The following CREB3L1 variants were observed in gnomAD, a reference collection of about 807,000 sequenced individuals.
CREB3L1 encodes the protein cAMP responsive element binding protein 3 like 1.
A neutral mutation model predicts 54.5 loss-of-function variants in CREB3L1; 33 were observed. That is an observed-to-expected ratio of 0.61 (90% CI 0.46 to 0.81). CREB3L1 has a LOEUF of 0.81. CREB3L1 is among the 30% of genes least tolerant of loss of function. The pLI, the probability that CREB3L1 is intolerant of heterozygous loss-of-function variation, is 0.00. For synonymous variants in CREB3L1, 284 were observed against 286.4 expected (o/e 0.99, Z 0.08); for missense variants, 656 against 673.3 (o/e 0.97, Z 0.29).
rs190808021 is a variant in CREB3L1, at chr11:46,296,827, C to T, written c.103-3108C>T. Among the ~76,000 whole-genome samples, 12 of 152,292 alleles carry T rather than the reference C, an allele frequency of 7.9e-5. No individual in the cohort carries two copies. In the East Asian group the frequency reaches 1.9e-3, roughly 25 times the overall value. ...GCTCCATCCTGCTGGGTTTTGGCTG[C>T]TGTTTCTAGCAGGTGGGGTGGGGAC... On this transcript the variant is annotated intron_variant, in intron 1 of 11. Coordinates refer to ENST00000621158, the MANE Select transcript of CREB3L1 (RefSeq NM_052854.4).
Position 46,312,389 on chromosome 11 carries a change from A to G in CREB3L1, c.818A>G (p.Glu273Gly). The change falls in exon 6 of 12, where the codon GAG becomes GGG. Residue 273 changes from glutamate (E) to glycine (G), a missense_variant. Physicochemically the swap from Glu to Gly is moderately conservative, Grantham distance 98 (BLOSUM62 -2). Coordinates refer to ENST00000621158, the MANE Select transcript of CREB3L1 (RefSeq NM_052854.4). ...GAGGAGAAGCGGACCCTGATTGCTG[A>G]GGGCTACCCCATCCCCACAAAACTC... The part of the protein sequence containing the change: ...TEEEKRTLIA[E>G]GYPIPTKLPL... The G allele has an allele frequency of 1.2e-6, 2 of 1,613,686 alleles. No homozygotes were observed. The highest frequency in any genetic ancestry group is 1.7e-6 in the Non-Finnish European group (2 of 1,179,762).
Position 46,317,431 on chromosome 11 carries a change from C to T in CREB3L1, c.1202C>T (p.Ser401Phe). The stretch of plus-strand genomic sequence containing the variant: ...TGCCTTCCCGAGTTCTCCTCCGGCT[C>T]CCAGACTGTGAAGGAAGACCCCCTG... ...VPCLPEFSSG[S>F]QTVKEDPLAA... is the part of the protein sequence containing the mutation. Residue 401 changes from serine to phenylalanine, a missense_variant, in exon 10 of 12, where the codon TCC becomes TTC. Transcript: ENST00000621158. 2 of 1,613,650 alleles carry T rather than the reference C, an allele frequency of 1.2e-6. No homozygotes were observed. The highest frequency in any genetic ancestry group is 4.5e-5 in the East Asian group (2 of 44,864).
chr11:46,304,051 A>G (rs1204573545), intron 2 of CREB3L1, among the ~76,000 whole-genome samples: 1 of 152,200 alleles, frequency 6.6e-6, no homozygotes, highest in African/African-American at 2.4e-5. Context: ...GCTTGTAACA[A>G]TGAACAGTGT....
chr11:46,301,766 C>T (rs529286181), intron 2 of CREB3L1, among the ~76,000 whole-genome samples: 20 of 152,088 alleles, frequency 1.3e-4, no homozygotes, highest in African/African-American at 4.3e-4. Context: ...CAAGACCAGC[C>T]TGGTCAACAT....
intron 10 of CREB3L1, among the ~76,000 whole-genome samples, chr11:46,319,331 G>A (rs1939613186): frequency 1.3e-5 from 2 of 152,208 alleles, no homozygotes; most frequent in Admixed American, 1.3e-4. Flanking sequence ...GCAGACCTGG[G>A]TTCGCATCCT....
At chr11:46,301,291 G>A (rs748230623) in intron 2 of CREB3L1, among the ~76,000 whole-genome samples, 1 of 152,076 alleles carries the variant, frequency 6.6e-6, no homozygotes, top group South Asian at 2.1e-4. Flanking sequence ...AGTGAGCTGA[G>A]ACCGCACCAC....
chr11:46,306,110 C>G (rs563116510), intron 2 of CREB3L1, among the ~76,000 whole-genome samples: 1 of 152,216 alleles, frequency 6.6e-6, no homozygotes, highest in East Asian at 1.9e-4. Flanking sequence ...GTGGTCTGAT[C>G]ATAGTTCACT....
intron 2 of CREB3L1, among the ~76,000 whole-genome samples, chr11:46,303,702 T>C (rs1227717961): frequency 6.6e-6 from 1 of 150,460 alleles, no homozygotes; most frequent in Non-Finnish European, 1.5e-5. Context: ...ATAAAAGTCC[T>C]ATGAATACTA....
At chr11:46,312,226 T>C in intron 5 of CREB3L1, 99 bp from the exon 6 acceptor site, 2 of 996,368 alleles carry the variant, frequency 2.0e-6, no homozygotes, top group Non-Finnish European at 2.9e-6. Flanking sequence ...GCATAGAGCA[T>C]TGTGTGCCTT....
At chr11:46,308,828 C>T (rs549905037) in intron 3 of CREB3L1, among the ~76,000 whole-genome samples, 2 of 152,324 alleles carry the variant, frequency 1.3e-5, no homozygotes, top group East Asian at 1.9e-4. Context: ...CAAGGGTCGG[C>T]GGCAAATATG....
At chr11:46,279,363 C>A (rs139123698) in intron 1 of CREB3L1, among the ~76,000 whole-genome samples, 1 of 152,082 alleles carries the variant, frequency 6.6e-6, no homozygotes, top group East Asian at 1.9e-4. Flanking sequence ...GGACAGGAGC[C>A]GGAGTCAAGG....
Position 46,320,941 on chromosome 11 carries a change from C to A in CREB3L1, c.*195C>A. 1 of 707,384 alleles carries A rather than the reference C, an allele frequency of 1.4e-6. No individual in the cohort carries two copies. Among genetic ancestry groups the A allele is most frequent in the African/African-American group, 1.7e-5 (1 of 57,396 alleles). The allele number at this position is 707,384 out of a possible 1,614,324, so 43.8% of individuals were successfully genotyped here. The stretch of plus-strand genomic sequence containing the variant: ...GGGCCGACCACTCTGTTCTCATTCT[C>A]CTTCCCACCAACATCCATCCGTCCT... On this transcript the variant is annotated 3_prime_UTR_variant, in exon 12 of 12. Transcript: ENST00000621158.
intron 9 of CREB3L1, 45 bp from the exon 10 acceptor site, chr11:46,317,316 C>A (rs757465284): frequency 2.5e-6 from 4 of 1,610,018 alleles, no homozygotes; most frequent in Non-Finnish European, 3.4e-6. Flanking sequence ...AGGGCCGTGG[C>A]CCCTCCTTAC....
chr11:46,309,989 GC>G lies in CREB3L1; in HGVS notation c.521del (p.Pro174ArgfsTer4). 2 of 1,597,524 alleles carry G rather than the reference GC, an allele frequency of 1.3e-6. No homozygotes were observed. The highest frequency in any genetic ancestry group is 8.5e-7 in the Non-Finnish European group (1 of 1,172,438). ...PLSRLPIPHQ[A>X]PGEMTQLPVI... ...GGAGCTGGGCTTGTCTGTTCCTCAGGCCCCGGGAGAGATGACTCAGCTGCCA... is the reference window on the plus strand; with the variant it reads ...GGAGCTGGGCTTGTCTGTTCCTCAGGCCCGGGAGAGATGACTCAGCTGCCA... On this transcript the variant is annotated frameshift_variant and splice_region_variant, in exon 4 of 12. Coordinates refer to ENST00000621158, the MANE Select transcript of CREB3L1 (RefSeq NM_052854.4). LOFTEE classifies it high-confidence loss of function.
intron 3 of CREB3L1, 136 bp downstream of exon 3, chr11:46,308,136 C>A: frequency 2.5e-6 from 2 of 811,664 alleles, no homozygotes; most frequent in Non-Finnish European, 3.7e-6. Flanking sequence ...GGGTGGGAAG[C>A]CCCCGCCCAG....
rs763343456 is a variant in CREB3L1, at chr11:46,312,492, G to A, written c.903+18G>A. 9.3e-6 allele frequency: 15 copies of A among 1,611,794 alleles called. No individual in the cohort carries two copies. In the East Asian group the frequency reaches 2.7e-4, roughly 29 times the overall value. The stretch of plus-strand genomic sequence containing the variant: ...AGAACAAGGTAAAGCCTGCCACCCT[G>A]GGGCTTCAGAGGGCTTCCTTGGTGG... On this transcript the variant is annotated intron_variant, in intron 6 of 11. Transcript: ENST00000621158.
intron 8 of CREB3L1, chr11:46,315,937 G>A (rs933131936): frequency 7.9e-6 from 2 of 252,154 alleles, no homozygotes; most frequent in African/African-American, 4.5e-5. Context: ...GGTGCTGGGG[G>A]TGCCAGGGAG....
At chr11:46,282,662 AC>A (rs1039144939) in intron 1 of CREB3L1, among the ~76,000 whole-genome samples, 2 of 151,668 alleles carry the variant, frequency 1.3e-5, no homozygotes, top group Admixed American at 6.6e-5. Context: ...CTAAAGTGGG[AC>A]CCCCCTGTTC....
chr11:46,283,381 C>A (rs1939007056), intron 1 of CREB3L1, among the ~76,000 whole-genome samples: 1 of 152,122 alleles, frequency 6.6e-6, no homozygotes, highest in African/African-American at 2.4e-5. Context: ...ACCACAGGAG[C>A]ATGAGGCAGT....
Sources: gnomAD v4.1 joint callset for allele counts (sites outside exome capture counted in the v4.1 genomes callset) on GRCh38, gnomAD v4.1.1 for gene constraint, MANE v1.5 for transcripts, NCBI Gene and HGNC (gene_info 2026-07-23, HGNC 2026-07-21) for gene names.